Variants in NUP205 observed in about 807,000 individuals in gnomAD.
The protein encoded by NUP205 is nuclear pore complex protein Nup205.
In NUP205, 76 loss-of-function variants were observed where a neutral mutation model predicts 253.8. That is an observed-to-expected ratio of 0.30 (90% CI 0.25 to 0.36). The LOEUF is 0.36. Ranked by LOEUF, NUP205 falls within the 10% of genes least tolerant of loss-of-function variation. NUP205 has a pLI of 1.00. For missense variants in NUP205, 2,162 were observed against 2,425.5 expected, an observed-to-expected ratio of 0.89 and a Z score of 2.28; for synonymous variants, 832 against 850.1, an observed-to-expected ratio of 0.98 and a Z score of 0.37.
At chr7:135,610,288 T>G (rs981934460) in intron 22 of NUP205, among the ~76,000 whole-genome samples, 1 of 152,224 alleles carries the variant, frequency 6.6e-6, no homozygotes, top group Non-Finnish European at 1.5e-5. Context: ...TGGCACGATC[T>G]CAGCTCACCG....
At chr7:135,597,714 A>ATTTTC (rs146889702) in intron 14 of NUP205, 13,976 of 445,358 alleles carry the variant, frequency 0.031, 297 homozygotes, top group Middle Eastern at 0.063. Context: ...AGAGTTAATT[A>ATTTTC]TTTTCTTTTC....
intron 1 of NUP205, among the ~76,000 whole-genome samples, chr7:135,559,637 G>A (rs1805525408): frequency 6.6e-6 from 1 of 150,720 alleles, no homozygotes; most frequent in Non-Finnish European, 1.5e-5. Flanking sequence ...TCCCAAAGTG[G>A]TAGGTTTACA....
chr7:135,644,920 G>T lies in NUP205; in HGVS notation c.5585G>T (p.Gly1862Val). ...KELCQSVMPAGVDKISTAQKY... is the reference protein window; with the variant it reads ...KELCQSVMPAVVDKISTAQKY... ...TTGTGTCAGTCTGTGATGCCTGCTG[G>T]TGTTGATAAAATCTCCACTGCTCAG... Residue 1862 changes from glycine to valine, a missense_variant, in exon 40 of 43, where the codon GGT becomes GTT. Coordinates refer to ENST00000285968, the MANE Select transcript of NUP205 (RefSeq NM_015135.3). The T allele has an allele frequency of 6.2e-7, 1 of 1,614,014 alleles. No individual in the cohort carries two copies. Among genetic ancestry groups the T allele is most frequent in the Non-Finnish European group, 8.5e-7 (1 of 1,179,932 alleles).
intron 31 of NUP205, among the ~76,000 whole-genome samples, chr7:135,624,078 G>A (rs1019165119): frequency 6.6e-6 from 1 of 152,048 alleles, no homozygotes; most frequent in Non-Finnish European, 1.5e-5. Context: ...CACCACACCC[G>A]GCCACCTTTT....
chr7:135,634,544 CT>C (rs928577033), intron 35 of NUP205, among the ~76,000 whole-genome samples: 16 of 152,148 alleles, frequency 1.1e-4, no homozygotes, highest in Non-Finnish European at 1.9e-4. Flanking sequence ...TGAAGAAAAA[CT>C]TTCCAAAAAT....
intron 38 of NUP205, 49 bp from the exon 39 acceptor site, chr7:135,643,143 A>G: frequency 1.3e-6 from 2 of 1,544,336 alleles, no homozygotes; most frequent in Non-Finnish European, 8.8e-7. Flanking sequence ...TGAAATTCAT[A>G]TGAAATGCTT....
In NUP205 at chr7:135,576,963, T is replaced by G; in HGVS notation, c.489-6T>G. The G allele has an allele frequency of 6.2e-7, 1 of 1,604,878 alleles. No individual in the cohort carries two copies. Among genetic ancestry groups the G allele is most frequent in the Non-Finnish European group, 8.5e-7 (1 of 1,177,662 alleles). ...AACGTAGTTTATTGATTTCTTTTCA[T>G]TACAGTCCAGAGCTGGCTTCCATGA... is the stretch of plus-strand genomic sequence containing the variant. On this transcript the variant is annotated splice_region_variant and splice_polypyrimidine_tract_variant and intron_variant, in intron 4 of 42. Coordinates refer to ENST00000285968, the MANE Select transcript of NUP205 (RefSeq NM_015135.3).
chr7:135,594,632 C>A lies in NUP205; in HGVS notation c.1916C>A (p.Pro639His). The A allele has an allele frequency of 6.2e-7, 1 of 1,613,800 alleles. No homozygotes were observed. Among genetic ancestry groups the A allele is most frequent in the South Asian group, 1.1e-5 (1 of 91,052 alleles). The change falls in exon 13 of 43, where the codon CCC (proline) becomes CAC (histidine). Residue 639 changes from proline (P) to histidine (H), a missense_variant. Around this residue, in one of 5 missense-constraint regions of NUP205, gnomAD observed 892 missense variants for 957.1 expected, o/e 0.93. Transcript: ENST00000285968. Reference protein sequence around the residue: ...VILGLLQCSIPPVLKAELLKT... With the variant: ...VILGLLQCSIHPVLKAELLKT... Reference sequence around the variant, plus strand: ...CTGGGACTCCTCCAATGCAGTATTCCCCCTGTCCTAAAAGCTGAGCTACTG... The same window carrying A: ...CTGGGACTCCTCCAATGCAGTATTCACCCTGTCCTAAAAGCTGAGCTACTG...
intron 35 of NUP205, among the ~76,000 whole-genome samples, chr7:135,631,364 T>C (rs1794710825): frequency 6.6e-6 from 1 of 152,202 alleles, no homozygotes; most frequent in South Asian, 2.1e-4. Context: ...TACTAGAGTA[T>C]GTCACCTTTT....
Position 135,634,500 on chromosome 7 carries a change from G to C in NUP205, c.5060-1081G>C, listed in dbSNP as rs547649928. Among the ~76,000 whole-genome samples the C allele has an allele frequency of 2.2e-4, 34 of 152,270 alleles. No individual in the cohort carries two copies. In the Middle Eastern group the frequency reaches 0.01, roughly 46 times the overall value. Reference sequence around the variant, plus strand: ...GGTTTCAAGGAGTTCAGATGGGAAAGGAGGGCATAAGAATTATGAATACAA... The same window carrying C: ...GGTTTCAAGGAGTTCAGATGGGAAACGAGGGCATAAGAATTATGAATACAA... On this transcript the variant is annotated intron_variant, in intron 35 of 42. Transcript: ENST00000285968.
chr7:135,573,627 A>AT lies in NUP205; in HGVS notation c.172-26dup, dbSNP rs754358997. The AT allele has an allele frequency of 3.1e-6, 5 of 1,595,122 alleles. No individual in the cohort carries two copies. The African/African-American group carries it at 5.4e-5, about 17-fold the overall frequency. ...ACCTTGTCTCCAGTGTGCTATTTTC[A>AT]TAACAATTACAATTTTATCATTGTA... On this transcript the variant is annotated intron_variant, in intron 2 of 42. Transcript: ENST00000285968.
chr7:135,609,509 A>G (rs1794178048), intron 22 of NUP205, among the ~76,000 whole-genome samples: 1 of 150,640 alleles, frequency 6.6e-6, no homozygotes, highest in African/African-American at 2.4e-5. Context: ...TTATCCGGGC[A>G]TGGTGGTGTG....
chr7:135,590,522 T>C (rs181475932), intron 10 of NUP205, among the ~76,000 whole-genome samples: 20 of 152,136 alleles, frequency 1.3e-4, no homozygotes, highest in Non-Finnish European at 2.6e-4. Context: ...AATGTTATTT[T>C]GCTACATCAT....
Position 135,606,142 on chromosome 7 carries a change from C to A in NUP205, c.2824-3C>A, listed in dbSNP as rs1794081351. 1 of 1,598,440 alleles carries A rather than the reference C, an allele frequency of 6.3e-7. No homozygotes were observed. The highest frequency in any genetic ancestry group is 8.6e-7 in the Non-Finnish European group (1 of 1,167,370). On this transcript the variant is annotated splice_polypyrimidine_tract_variant and splice_region_variant and intron_variant, in intron 19 of 42. Transcript: ENST00000285968. ...GTCATTTTTTACCTTCATGTTACTT[C>A]AGAGTATAAGTCAGAAACTAATGGC... is the stretch of plus-strand genomic sequence containing the variant.
chr7:135,628,250 GC>G, intron 34 of NUP205, 139 bp downstream of exon 34: 8 of 663,244 alleles, frequency 1.2e-5, no homozygotes, highest in Non-Finnish European at 9.3e-6. Context: ...GAGAAAAGAG[GC>G]CCCTGTACTT....
chr7:135,644,935 C>G lies in NUP205; in HGVS notation c.5600C>G (p.Ser1867Cys). Residue 1867 changes from serine to cysteine, a missense_variant, in exon 40 of 43, where the codon TCC becomes TGC. By Grantham distance (112) the Ser-to-Cys change is moderately radical (BLOSUM62 -1). Around this residue, in one of 5 missense-constraint regions of NUP205, gnomAD observed 1,144 missense variants for 1,280.9 expected, o/e 0.89. Transcript: ENST00000285968. Reference protein sequence around the residue: ...SVMPAGVDKISTAQKYVLARR... With the variant: ...SVMPAGVDKICTAQKYVLARR... ...ATGCCTGCTGGTGTTGATAAAATCT[C>G]CACTGCTCAGAAATATGTTCTAGCA... is the stretch of plus-strand genomic sequence containing the variant. 1 of 1,614,006 alleles carries G rather than the reference C, an allele frequency of 6.2e-7. No homozygotes were observed. Among genetic ancestry groups the G allele is most frequent in the South Asian group, 1.1e-5 (1 of 91,068 alleles).
rs1012262750 is a variant in NUP205, at chr7:135,620,020, A to G, written c.4330+132A>G. On this transcript the variant is annotated intron_variant, in intron 30 of 42. Coordinates refer to ENST00000285968, the MANE Select transcript of NUP205 (RefSeq NM_015135.3). ...TGAGTGTTAGTGTCATTTTTAAAGC[A>G]TTTACTCAAAAGTTGAGGAAGAATG... 4 of 648,210 alleles carry G rather than the reference A, an allele frequency of 6.2e-6. No homozygotes were observed. The African/African-American group carries it at 7.3e-5, about 12-fold the overall frequency. 40.2% of individuals were successfully genotyped at this position (648,210 alleles called of 1,614,324 possible). A position where few individuals can be genotyped will look rare whatever the true frequency, so the allele number is the denominator to read the frequency against.
At chr7:135,576,210 G>A in intron 3 of NUP205, 60 bp from the exon 4 acceptor site, 3 of 1,430,986 alleles carry the variant, frequency 2.1e-6, no homozygotes, top group Non-Finnish European at 2.9e-6. Flanking sequence ...ATTGATTTTT[G>A]TCTCCTCCTA....
At chr7:135,610,308 C>T (rs549971875) in intron 22 of NUP205, among the ~76,000 whole-genome samples, 1 of 152,192 alleles carries the variant, frequency 6.6e-6, no homozygotes, top group South Asian at 2.1e-4. Flanking sequence ...GCAACCTCCA[C>T]CTCCCGGGTT....
Sources: gnomAD v4.1 joint callset for allele counts (sites outside exome capture counted in the v4.1 genomes callset) on GRCh38, gnomAD v4.1.1 for gene constraint, gnomAD v4.1.1 regional missense constraint, MANE v1.5 for transcripts, NCBI Gene and HGNC (gene_info 2026-07-23, HGNC 2026-07-21) for gene names.